ABCA10: variants seen among roughly 807,000 people sequenced by gnomAD.
ABCA10 encodes the protein ATP-binding cassette sub-family A member 10.
ABCA10 carries 169 observed loss-of-function variants against 187.5 expected under a neutral mutation model. That is an observed-to-expected ratio of 0.90 (90% CI 0.80 to 1.02). ABCA10 has a LOEUF of 1.02. ABCA10 is among the 50% of genes least tolerant of loss of function. The pLI, the probability that ABCA10 is intolerant of heterozygous loss-of-function variation, is 0.00. For synonymous variants in ABCA10, 574 were observed against 601.8 expected (o/e 0.95, Z 0.68); for missense variants, 1,727 against 1,812.4 (o/e 0.95, Z 0.86).
intron 1 of ABCA10, among the ~76,000 whole-genome samples, chr17:69,236,649 T>C (rs1438308676): frequency 6.6e-6 from 1 of 152,242 alleles, no homozygotes; most frequent in Non-Finnish European, 1.5e-5. Context: ...CTGACGCCTT[T>C]GGATAAATGA....
At chr17:69,205,107 G>A (rs376666036) in intron 9 of ABCA10, among the ~76,000 whole-genome samples, 1 of 152,080 alleles carries the variant, frequency 6.6e-6, no homozygotes, top group Non-Finnish European at 1.5e-5. Flanking sequence ...CAGCCTGGGT[G>A]ACACAGTGAG....
Position 69,153,847 on chromosome 17 carries a change from C to T in ABCA10, c.3949G>A (p.Ala1317Thr). 6.2e-7 allele frequency: 1 copy of T among 1,613,396 alleles called. No homozygotes were observed. Among genetic ancestry groups the T allele is most frequent in the Non-Finnish European group, 8.5e-7 (1 of 1,179,658 alleles). Reference sequence around the variant, plus strand: ...TCTCTGTACCGTGAAATACTGAGAGCAGCATCTTCTTTGCCCAGTCCTTTC... The same window carrying T: ...TCTCTGTACCGTGAAATACTGAGAGTAGCATCTTCTTTGCCCAGTCCTTTC... Reference protein sequence around the residue: ...AVKGLGKEDAALSISRLVEAL... With the variant: ...AVKGLGKEDATLSISRLVEAL... Residue 1317 changes from alanine (A) to threonine (T), a missense_variant, in exon 32 of 39, where the codon GCT (alanine) becomes ACT (threonine). Physicochemically the swap from Ala to Thr is moderately conservative, Grantham distance 58. Transcript: ENST00000690296.
At chr17:69,205,711 C>T (rs185238893) in intron 9 of ABCA10, among the ~76,000 whole-genome samples, 3 of 152,182 alleles carry the variant, frequency 2.0e-5, no homozygotes, top group East Asian at 3.9e-4. Context: ...ATTATACAAA[C>T]AGGAATTGAA....
chr17:69,232,047 T>C (rs2074835468), upstream of ABCA10, among the ~76,000 whole-genome samples: 1 of 152,232 alleles, frequency 6.6e-6, no homozygotes, highest in South Asian at 2.1e-4. Flanking sequence ...CAGATATAAG[T>C]ATAGCTACTC....
At chr17:69,223,017 G>A (rs536554524) in intron 3 of ABCA10, among the ~76,000 whole-genome samples, 1 of 151,334 alleles carries the variant, frequency 6.6e-6, no homozygotes, top group African/African-American at 2.4e-5. Context: ...GTGCATATTT[G>A]CCTTGAAGGA....
In ABCA10 at chr17:69,193,862, C is replaced by T; in HGVS notation, c.1473G>A (p.Arg491=). The change falls in exon 13 of 39, where the codon AGG becomes AGA. Residue 491 remains arginine, a synonymous_variant. Coordinates refer to ENST00000690296, the MANE Select transcript of ABCA10 (RefSeq NM_001377321.1). Reference sequence around the variant, plus strand: ...GAATCCCTTTTATTTTAGCAAATACCCTGAGGTTTTCTCTCACAGTGAGGA... The same window carrying T: ...GAATCCCTTTTATTTTAGCAAATACTCTGAGGTTTTCTCTCACAGTGAGGA... ...FDFLTVRENL[R]VFAKIKGIQP... 6.2e-7 allele frequency: 1 copy of T among 1,613,530 alleles called. No individual in the cohort carries two copies. The highest frequency in any genetic ancestry group is 2.2e-5 in the East Asian group (1 of 44,758).
At chr17:69,211,333 A>ATC (rs2074652675) in intron 9 of ABCA10, among the ~76,000 whole-genome samples, 1 of 111,592 alleles carries the variant, frequency 9.0e-6, no homozygotes. Flanking sequence ...ATATATATAT[A>ATC]TATATATATA....
At chr17:69,229,139 T>C (rs1465332238), upstream of ABCA10, among the ~76,000 whole-genome samples, 1 of 152,044 alleles carries the variant, frequency 6.6e-6, no homozygotes, top group Admixed American at 6.6e-5. Flanking sequence ...CTAATTCCTA[T>C]GTACTAGAAA....
chr17:69,180,376 G>A (rs2074370661), intron 22 of ABCA10, among the ~76,000 whole-genome samples: 1 of 152,068 alleles, frequency 6.6e-6, no homozygotes, highest in Admixed American at 6.6e-5. Flanking sequence ...CTTTCAAGAA[G>A]TTCATATTTG....
At chr17:69,192,304 T>C (rs887616841) in intron 16 of ABCA10, among the ~76,000 whole-genome samples, 1 of 131,022 alleles carries the variant, frequency 7.6e-6, no homozygotes, top group Non-Finnish European at 1.6e-5. Context: ...CGAGACTGTG[T>C]CTTCAAAAAA....
Position 69,198,919 on chromosome 17 carries a change from C to T in ABCA10, c.1176-1797G>A, listed in dbSNP as rs2074524387. Among the ~76,000 whole-genome samples the T allele has an allele frequency of 2.0e-5, 3 of 152,334 alleles. No homozygotes were observed. The South Asian group carries it at 6.2e-4, about 32-fold the overall frequency. ...TCATTCAGTGATTCCCCACACTATA[C>T]AGGATAGCCTAATCTCCTTACCTTG... On this transcript the variant is annotated intron_variant, in intron 10 of 38. Transcript: ENST00000690296.
chr17:69,192,117 G>A (rs1033211326), intron 16 of ABCA10, among the ~76,000 whole-genome samples: 5 of 152,228 alleles, frequency 3.3e-5, no homozygotes, highest in African/African-American at 1.2e-4. Flanking sequence ...GAGGTCAGGA[G>A]ATCGAGGCCA....
chr17:69,215,948 C>G lies in ABCA10; in HGVS notation c.725G>C (p.Gly242Ala), dbSNP rs564915997. ...TACAGTGAAGAGAAATCCAGCCAAA[C>G]CAGCGAGCATAGGTTTCCTTATTAA... ...SVLIRKPMLA[G>A]LAGFLFTVFW... is the part of the protein sequence containing the mutation. Residue 242 changes from glycine (G) to alanine (A), a missense_variant, in exon 8 of 39, where the codon GGT becomes GCT. Transcript: ENST00000690296. 6.2e-7 allele frequency: 1 copy of G among 1,613,942 alleles called. No homozygotes were observed. The highest frequency in any genetic ancestry group is 1.1e-5 in the South Asian group (1 of 91,028).
chr17:69,208,499 C>G (rs1196978998), intron 9 of ABCA10, among the ~76,000 whole-genome samples: 1 of 147,262 alleles, frequency 6.8e-6, no homozygotes, highest in African/African-American at 2.5e-5. Context: ...TAGTATGGCA[C>G]AGAATTACAA....
chr17:69,193,326 G>T (rs2074475285), intron 14 of ABCA10, 78 bp from the exon 15 acceptor site: 10 of 1,563,402 alleles, frequency 6.4e-6, no homozygotes, highest in African/African-American at 2.7e-5. Flanking sequence ...AAACAAGTAT[G>T]ATTTCTAGAC....
chr17:69,190,630 T>C (rs2074452896), intron 17 of ABCA10, among the ~76,000 whole-genome samples, 153 bp from the exon 18 acceptor site: 1 of 152,142 alleles, frequency 6.6e-6, no homozygotes, highest in Admixed American at 6.5e-5. Flanking sequence ...CTGTAAGATA[T>C]TCTCTTGTCA....
At position 69,149,135 on chromosome 17, in the gene ABCA10, A is replaced by G. The variant is rs771166395; in HGVS notation, c.4478-47T>C. 7 of 1,603,494 alleles carry G rather than the reference A, an allele frequency of 4.4e-6. No homozygotes were observed. In the Admixed American group the frequency reaches 1.0e-4, roughly 23 times the overall value. ...TTAGTGGCTTATATATTTTTCACCAAGTGTTTGTAAAGTCATACAATAGAG... is the reference window on the plus strand; with the variant it reads ...TTAGTGGCTTATATATTTTTCACCAGGTGTTTGTAAAGTCATACAATAGAG... On this transcript the variant is annotated intron_variant, in intron 37 of 38. Transcript: ENST00000690296.
chr17:69,182,835 G>GAAAAAAAAAAAAAA, intron 20 of ABCA10, 27 bp from the exon 21 acceptor site: 1 of 1,325,834 alleles, frequency 7.5e-7, no homozygotes. Context: ...AAGGCAACAA[G>GAAAAAAAAAAAAAA]AAAAAAAAAA....
intron 25 of ABCA10, among the ~76,000 whole-genome samples, chr17:69,169,461 A>T (rs571204250): frequency 6.6e-6 from 1 of 152,358 alleles, no homozygotes; most frequent in African/African-American, 2.4e-5. Flanking sequence ...AGTAATTTAT[A>T]GATTCAATGC....
Sources: gnomAD v4.1 joint callset for allele counts (sites outside exome capture counted in the v4.1 genomes callset) on GRCh38, gnomAD v4.1.1 for gene constraint, MANE v1.5 for transcripts, NCBI Gene and HGNC (gene_info 2026-07-23, HGNC 2026-07-21) for gene names.